C4orf36: variants seen among roughly 807,000 people sequenced by gnomAD.
C4orf36 encodes the protein chromosome 4 open reading frame 36.
C4orf36 carries 11 observed loss-of-function variants against 12.2 expected under a neutral mutation model. The observed-to-expected ratio is 0.90, with a 90% CI of 0.57 to 1.49. The LOEUF (loss-of-function observed/expected upper bound fraction) is 1.49. Among genes scored for constraint, C4orf36 ranks in the 40% most tolerant of loss-of-function variants. C4orf36 has a pLI of 0.00. For missense variants in C4orf36, 137 were observed against 133.9 expected (o/e 1.02, Z -0.11); for synonymous variants, 54 against 51.3 (o/e 1.05, Z -0.22).
At chr4:86,889,038 C>T (rs955124138) in intron 2 of C4orf36, among the ~76,000 whole-genome samples, 2 of 152,072 alleles carry the variant, frequency 1.3e-5, no homozygotes, top group South Asian at 4.2e-4. Flanking sequence ...AAGTGTCATT[C>T]GTTTAAACAA....
chr4:86,905,305 C>T, the C4orf36 span, among the ~76,000 whole-genome samples: 1 of 151,934 alleles, frequency 6.6e-6, no homozygotes, highest in African/African-American at 2.4e-5. Flanking sequence ...ATCACTTGAA[C>T]CCGGGAAGTG....
chr4:86,910,486 G>A, the C4orf36 span, among the ~76,000 whole-genome samples: 2 of 152,150 alleles, frequency 1.3e-5, no homozygotes, highest in African/African-American at 2.4e-5. Flanking sequence ...TTTGCAAAAC[G>A]GAGAAAGAAG....
chr4:86,879,889 C>T (rs1747011539), intron 4 of C4orf36, among the ~76,000 whole-genome samples: 1 of 148,946 alleles, frequency 6.7e-6, no homozygotes, highest in Admixed American at 6.7e-5. Context: ...CTTGCTCTGT[C>T]ACCCAAGCTA....
At chr4:86,879,613 C>A (rs917839226) in intron 4 of C4orf36, among the ~76,000 whole-genome samples, 8 of 152,072 alleles carry the variant, frequency 5.3e-5, no homozygotes, top group Non-Finnish European at 8.8e-5. Context: ...GACTAGCAAG[C>A]CTACTTGAAG....
intron 4 of C4orf36, among the ~76,000 whole-genome samples, chr4:86,881,974 G>A (rs1747063652): frequency 1.3e-5 from 2 of 152,242 alleles, no homozygotes; most frequent in Admixed American, 6.5e-5. Context: ...CTCCATGCCC[G>A]GCCCTGAAAA....
At chr4:86,885,508 T>C (rs1308386597) in intron 4 of C4orf36, among the ~76,000 whole-genome samples, 3 of 152,208 alleles carry the variant, frequency 2.0e-5, no homozygotes, top group South Asian at 2.1e-4. Context: ...TTGTCTGTTA[T>C]TGGTGTATAA....
chr4:86,913,913 C>G, the C4orf36 span: 115 of 1,292,322 alleles, frequency 8.9e-5, no homozygotes, highest in African/African-American at 1.5e-3. Context: ...ACTACGAACT[C>G]TCCCGGGCTC....
At chr4:86,903,478 A>G in the C4orf36 span, among the ~76,000 whole-genome samples, 1 of 152,242 alleles carries the variant, frequency 6.6e-6, no homozygotes, top group African/African-American at 2.4e-5. Context: ...TCTTAAAAGC[A>G]GCGCATCTGG....
At position 86,888,146 on chromosome 4, in the gene C4orf36, T is replaced by G; in HGVS notation, c.195A>C (p.Lys65Asn). Residue 65 changes from lysine to asparagine, a missense_variant, in exon 3 of 5, where the codon AAA becomes AAC. By Grantham distance (94) the Lys-to-Asn change is moderately conservative. Coordinates refer to ENST00000295898, the MANE Select transcript of C4orf36 (RefSeq NM_144645.4). Reference sequence around the variant, plus strand: ...ATTCTGCAGAAGGGAGCAGTCCATCTTTAATGGTGGTACATTTTGTGAGCT... The same window carrying G: ...ATTCTGCAGAAGGGAGCAGTCCATCGTTAATGGTGGTACATTTTGTGAGCT... Reference protein sequence around the residue: ...SVQLTKCTTIKDGLLPSAESI... With the variant: ...SVQLTKCTTINDGLLPSAESI... 6.2e-7 allele frequency: 1 copy of G among 1,613,976 alleles called. No homozygotes were observed. Among genetic ancestry groups the G allele is most frequent in the South Asian group, 1.1e-5 (1 of 90,958 alleles).
upstream of C4orf36, among the ~76,000 whole-genome samples, chr4:86,893,684 G>A (rs898640445): frequency 2.0e-5 from 3 of 151,900 alleles, no homozygotes; most frequent in Non-Finnish European, 2.9e-5. Flanking sequence ...TCTTTCAAAG[G>A]TGCTTTTGTG....
the C4orf36 span, among the ~76,000 whole-genome samples, chr4:86,915,924 C>T: frequency 5.9e-5 from 9 of 152,224 alleles, no homozygotes; most frequent in East Asian, 1.9e-4. Flanking sequence ...CAGCAACCAC[C>T]GGAAGCTAGG....
chr4:86,892,471 CCTCCCCACCCGCCAG>C (rs1747465734), upstream of C4orf36: 1 of 985,076 alleles, frequency 1.0e-6, no homozygotes. Context: ...TTTGTGGGGC[CCTCCCCACCCGCCAG>C]GGAGGGGACG....
chr4:86,881,544 A>G (rs924016612), intron 4 of C4orf36, among the ~76,000 whole-genome samples: 1 of 152,162 alleles, frequency 6.6e-6, no homozygotes. Context: ...AGTAATGATC[A>G]TGCTACTACG....
chr4:86,895,805 A>C (rs1747577205), upstream of C4orf36, among the ~76,000 whole-genome samples: 1 of 151,842 alleles, frequency 6.6e-6, no homozygotes, highest in Admixed American at 6.6e-5. Flanking sequence ...ATCTCTATTC[A>C]TCTTTTTCCC....
At chr4:86,897,155 G>A (rs967962703), upstream of C4orf36, among the ~76,000 whole-genome samples, 5 of 152,096 alleles carry the variant, frequency 3.3e-5, no homozygotes, top group Non-Finnish European at 7.4e-5. Context: ...GAGTTCAGGA[G>A]TTCAAGACCA....
upstream of C4orf36, among the ~76,000 whole-genome samples, chr4:86,895,432 G>A (rs1406533771): frequency 6.6e-6 from 1 of 152,134 alleles, no homozygotes; most frequent in Non-Finnish European, 1.5e-5. Context: ...TATTGTAGAA[G>A]GAATGTTTTA....
the C4orf36 span, among the ~76,000 whole-genome samples, chr4:86,901,156 TG>T: frequency 1.3e-5 from 2 of 151,722 alleles, no homozygotes; most frequent in African/African-American, 2.4e-5. Context: ...GGCTAATTTT[TG>T]TATTTTTAGT....
At chr4:86,890,480 AAAT>A (rs56235500) in intron 2 of C4orf36, among the ~76,000 whole-genome samples, 2,834 of 147,302 alleles carry the variant, frequency 0.019, 67 homozygotes, top group African/African-American at 0.056. Context: ...AATGCAAATA[AAAT>A]AATAATAATA....
At chr4:86,922,642 T>C in the C4orf36 span, among the ~76,000 whole-genome samples, 1 of 152,132 alleles carries the variant, frequency 6.6e-6, no homozygotes, top group Non-Finnish European at 1.5e-5. Flanking sequence ...GTTCTTATGG[T>C]GTCACCTATG....
Sources: gnomAD v4.1 joint callset for allele counts (sites outside exome capture counted in the v4.1 genomes callset) on GRCh38, gnomAD v4.1.1 for gene constraint, MANE v1.5 for transcripts, NCBI Gene and HGNC (gene_info 2026-07-23, HGNC 2026-07-21) for gene names.